The following AKIRIN2 variants were observed in gnomAD, a reference collection of about 807,000 sequenced individuals.
AKIRIN2 encodes the protein akirin-2.
Under a neutral mutation model 29.3 loss-of-function variants are expected in AKIRIN2, and 6 were observed. The ratio of observed to expected loss-of-function variants is 0.20; its 90% CI spans 0.11 to 0.40. The LOEUF is 0.40. AKIRIN2 is among the 10% of genes least tolerant of loss of function. AKIRIN2 has a pLI of 1.00. For missense variants in AKIRIN2, 210 were observed against 276.1 expected (o/e 0.76, Z 1.70); for synonymous variants, 128 against 117.5 (o/e 1.09, Z -0.58).
chr6:87,680,771 C>T (rs1350562519), intron 2 of AKIRIN2, among the ~76,000 whole-genome samples: 1 of 87,748 alleles, frequency 1.1e-5, no homozygotes, highest in Non-Finnish European at 2.2e-5. Context: ...CCGCCCCCCC[C>T]CTTTTTTTTT....
chr6:87,689,300 G>A (rs905121532), intron 1 of AKIRIN2, among the ~76,000 whole-genome samples: 6 of 152,112 alleles, frequency 3.9e-5, no homozygotes, highest in African/African-American at 7.2e-5. Context: ...TCAAGAGTTC[G>A]AGACCTGCCT....
chr6:87,701,064 AG>A (rs1771453506), intron 1 of AKIRIN2, among the ~76,000 whole-genome samples: 1 of 151,956 alleles, frequency 6.6e-6, no homozygotes, highest in African/African-American at 2.4e-5. Flanking sequence ...GCACACATCC[AG>A]ATTGGGGTGA....
intron 1 of AKIRIN2, among the ~76,000 whole-genome samples, chr6:87,691,440 T>TTA (rs371190994): frequency 2.4e-5 from 2 of 84,836 alleles, no homozygotes; most frequent in East Asian, 3.7e-4. Context: ...AACCTCATCT[T>TTA]AAAAAAAAAA....
chr6:87,696,124 G>T (rs1435181454), intron 1 of AKIRIN2, among the ~76,000 whole-genome samples: 7 of 152,140 alleles, frequency 4.6e-5, no homozygotes. Context: ...ATTGCAGTGA[G>T]CCGAGATTGT....
At chr6:87,697,871 T>G (rs938413044) in intron 1 of AKIRIN2, among the ~76,000 whole-genome samples, 2 of 152,252 alleles carry the variant, frequency 1.3e-5, no homozygotes, top group Admixed American at 6.5e-5. Flanking sequence ...TGAATTAATG[T>G]GCCTAACAAA....
rs1243770835 is a variant in AKIRIN2, at chr6:87,701,713, G to A, written c.-29C>T. On this transcript the variant is annotated 5_prime_UTR_variant, in exon 1 of 5. Transcript: ENST00000257787. ...CGGGGGCAGCTGAGGCGCCGGGCTC[G>A]GGTGGGGTCGGGGACGGGTGACGAA... 2.8e-6 allele frequency: 4 copies of A among 1,403,556 alleles called. No homozygotes were observed. Among genetic ancestry groups the A allele is most frequent in the African/African-American group, 1.5e-5 (1 of 66,094 alleles). 86.9% of individuals were successfully genotyped at this position (1,403,556 alleles called of 1,614,324 possible).
intron 1 of AKIRIN2, among the ~76,000 whole-genome samples, chr6:87,699,799 G>A (rs971208698): frequency 2.0e-5 from 3 of 152,168 alleles, no homozygotes; most frequent in African/African-American, 7.2e-5. Context: ...TCACATACAT[G>A]CCCAAGATTA....
chr6:87,681,486 G>A (rs1293426830), intron 2 of AKIRIN2, 134 bp downstream of exon 2: 2 of 852,976 alleles, frequency 2.3e-6, no homozygotes, highest in African/African-American at 3.5e-5. Flanking sequence ...TTTTTAAGAT[G>A]TCATGCATTA....
intron 1 of AKIRIN2, among the ~76,000 whole-genome samples, chr6:87,687,187 C>CAGAGCA (rs1771201257): frequency 6.8e-6 from 1 of 147,908 alleles, no homozygotes; most frequent in Admixed American, 7.0e-5. Context: ...TCCAAAATAA[C>CAGAGCA]AGAGCAATGT....
chr6:87,687,328 AG>A (rs550949083), intron 1 of AKIRIN2, among the ~76,000 whole-genome samples: 79 of 149,254 alleles, frequency 5.3e-4, no homozygotes, highest in Non-Finnish European at 9.6e-4. Flanking sequence ...AGATCACCTG[AG>A]GTTGGGAGTT....
chr6:87,687,008 T>C (rs192954641), intron 1 of AKIRIN2, among the ~76,000 whole-genome samples: 245 of 134,594 alleles, frequency 1.8e-3, no homozygotes, highest in African/African-American at 6.8e-3. Context: ...ATTGCACCAC[T>C]GCACTCCAGC....
chr6:87,699,705 G>A (rs1230191209), intron 1 of AKIRIN2, among the ~76,000 whole-genome samples: 1 of 152,160 alleles, frequency 6.6e-6, no homozygotes, highest in Non-Finnish European at 1.5e-5. Context: ...CTACAGATAT[G>A]CCAATGAAAA....
chr6:87,677,944 G>A lies in AKIRIN2; in HGVS notation c.403C>T (p.Pro135Ser), dbSNP rs376422887. 44 of 1,613,600 alleles carry A rather than the reference G, an allele frequency of 2.7e-5. No individual in the cohort carries two copies. In the African/African-American group the frequency reaches 5.6e-4, roughly 21 times the overall value. ...SPGTSSAASSPLKKEQPLFTL... is the reference protein window; with the variant it reads ...SPGTSSAASSSLKKEQPLFTL... ...AATAAGGGCTGTTCTTTTTTTAATGGTGAGGATGCTGCAGATGAAGTCCCT... is the reference window on the plus strand; with the variant it reads ...AATAAGGGCTGTTCTTTTTTTAATGATGAGGATGCTGCAGATGAAGTCCCT... Residue 135 changes from proline (P) to serine (S), a missense_variant, in exon 3 of 5, where the codon CCA (proline) becomes TCA (serine). Pro to Ser is a moderately conservative substitution (Grantham distance 74). Around this residue, in one of 2 missense-constraint regions of AKIRIN2, gnomAD observed 199 missense variants for 236.5 expected, o/e 0.84. Coordinates refer to ENST00000257787, the MANE Select transcript of AKIRIN2 (RefSeq NM_018064.4).
chr6:87,697,814 G>A (rs182275427), intron 1 of AKIRIN2, among the ~76,000 whole-genome samples: 20 of 152,316 alleles, frequency 1.3e-4, no homozygotes, highest in Middle Eastern at 3.4e-3. Context: ...ACTCTTCACA[G>A]AATTCAATTC....
chr6:87,693,747 A>AGT (rs1371853679), intron 1 of AKIRIN2, among the ~76,000 whole-genome samples: 1 of 150,210 alleles, frequency 6.7e-6, no homozygotes, highest in East Asian at 1.9e-4. Flanking sequence ...AAAAAAGTGA[A>AGT]GAATTATTCC....
chr6:87,680,335 G>A (rs1771098086), intron 2 of AKIRIN2, among the ~76,000 whole-genome samples: 3 of 138,870 alleles, frequency 2.2e-5, no homozygotes, highest in East Asian at 2.1e-4. Flanking sequence ...AGGTTGGAGT[G>A]CAATGGCGCG....
intron 1 of AKIRIN2, among the ~76,000 whole-genome samples, chr6:87,694,411 A>G (rs1771327169): frequency 6.6e-6 from 1 of 152,230 alleles, no homozygotes; most frequent in Non-Finnish European, 1.5e-5. Flanking sequence ...GCTAGCTAAT[A>G]AAGTATCAAC....
At chr6:87,699,758 A>C (rs1771427704) in intron 1 of AKIRIN2, among the ~76,000 whole-genome samples, 1 of 152,228 alleles carries the variant, frequency 6.6e-6, no homozygotes, top group Admixed American at 6.5e-5. Flanking sequence ...TGTGCTTTAA[A>C]GGGGAGGAAC....
chr6:87,685,655 A>C (rs1190730274), intron 1 of AKIRIN2, among the ~76,000 whole-genome samples: 2 of 152,234 alleles, frequency 1.3e-5, no homozygotes, highest in African/African-American at 2.4e-5. Flanking sequence ...ATTTGCAGCA[A>C]CCATTTAGAG....
Sources: allele counts gnomAD v4.1 joint callset (sites outside exome capture counted in the v4.1 genomes callset), GRCh38; gene constraint gnomAD v4.1.1; regional missense constraint gnomAD v4.1.1; transcripts MANE v1.5; gene names NCBI Gene and HGNC (gene_info 2026-07-23, HGNC 2026-07-21).